MYH8: variants seen among roughly 807,000 people sequenced by gnomAD.
MYH8 encodes myosin heavy chain 8.
MYH8 carries 168 observed loss-of-function variants against 233.2 expected under a neutral mutation model. That is an observed-to-expected ratio of 0.72 (90% CI 0.64 to 0.82). The LOEUF (loss-of-function observed/expected upper bound fraction) is 0.82. MYH8 is among the 40% of genes least tolerant of loss of function. The probability of loss-of-function intolerance (pLI) is 0.00; values close to 1 mark genes in which losing one functional copy is unlikely to be tolerated. For synonymous variants in MYH8, 785 were observed against 850.6 expected (o/e 0.92, Z 1.34); for missense variants, 1,995 against 2,327.8 (o/e 0.86, Z 2.94).
At chr17:10,390,982 C>T (rs894773180) in intron 39 of MYH8, among the ~76,000 whole-genome samples, 3 of 152,224 alleles carry the variant, frequency 2.0e-5, no homozygotes, top group Non-Finnish European at 2.9e-5. Context: ...AAAGATGGGA[C>T]TAGACAGAAA....
At position 10,414,256 on chromosome 17, in the gene MYH8, A is replaced by G; in HGVS notation, c.944T>C (p.Phe315Ser). 1.2e-6 allele frequency: 2 copies of G among 1,614,202 alleles called. No individual in the cohort carries two copies. The highest frequency in any genetic ancestry group is 1.7e-6 in the Non-Finnish European group (2 of 1,180,024). Reference protein sequence around the residue: ...LITTNPYDYAFVSQGEITVPS... With the variant: ...LITTNPYDYASVSQGEITVPS... Reference sequence around the variant, plus strand: ...AACTGTGATCTCCCCCTGACTGACGAAGGCATAGTCATATGGGTTGGTGGT... The same window carrying G: ...AACTGTGATCTCCCCCTGACTGACGGAGGCATAGTCATATGGGTTGGTGGT... Residue 315 changes from phenylalanine (F) to serine (S), a missense_variant, in exon 11 of 40, where the codon TTC becomes TCC. Physicochemically the swap from Phe to Ser is radical, Grantham distance 155. This residue lies in a region of MYH8 where 479 missense variants were observed against 600.9 expected (regional missense o/e 0.80). Coordinates refer to ENST00000403437, the MANE Select transcript of MYH8 (RefSeq NM_002472.3).
Position 10,419,978 on chromosome 17 carries a change from G to A in MYH8, c.210+40C>T. ...AGTTAGGCTTCAACTTTTGAACCAA[G>A]AAATAAAATGGGGAGTATTTTCTCC... is the stretch of plus-strand genomic sequence containing the variant. On this transcript the variant is annotated intron_variant, in intron 3 of 39. Coordinates refer to ENST00000403437, the MANE Select transcript of MYH8 (RefSeq NM_002472.3). The surrounding 1 kb of genome is among the most constrained non-coding windows in gnomAD (Gnocchi z 4.0). The A allele has an allele frequency of 6.2e-7, 1 of 1,600,308 alleles. No homozygotes were observed. The highest frequency in any genetic ancestry group is 8.6e-7 in the Non-Finnish European group (1 of 1,167,888).
At chr17:10,398,946 A>C in intron 28 of MYH8, 60 bp from the exon 29 acceptor site, 2 of 1,016,168 alleles carry the variant, frequency 2.0e-6, no homozygotes, top group Non-Finnish European at 1.5e-6. Context: ...TAAACCTTTT[A>C]CATTTATATA....
chr17:10,421,439 C>A (rs937804688), intron 2 of MYH8, among the ~76,000 whole-genome samples: 2 of 152,170 alleles, frequency 1.3e-5, no homozygotes, highest in Non-Finnish European at 2.9e-5. Context: ...GAAGCTAATT[C>A]TGTCCTAAAC....
chr17:10,415,571 A>G lies in MYH8; in HGVS notation c.549T>C (p.Ser183=). 6.2e-7 allele frequency: 1 copy of G among 1,614,224 alleles called. No individual in the cohort carries two copies. Among genetic ancestry groups the G allele is most frequent in the Non-Finnish European group, 8.5e-7 (1 of 1,180,028 alleles). ...ENQSILITGE[S]GAGKTVNTKR... ...TGGTGTTCACAGTCTTTCCGGCACCAGATTCTCCGCTGTCAAACAGAAATC... is the reference window on the plus strand; with the variant it reads ...TGGTGTTCACAGTCTTTCCGGCACCGGATTCTCCGCTGTCAAACAGAAATC... The change falls in exon 7 of 40, where the codon TCT becomes TCC. Residue 183 remains serine (S), a synonymous_variant. Coordinates refer to ENST00000403437, the MANE Select transcript of MYH8 (RefSeq NM_002472.3). The surrounding 1 kb of genome is among the most constrained non-coding windows in gnomAD (Gnocchi z 4.1).
chr17:10,414,067 G>T (rs746308041), intron 11 of MYH8, 27 bp from the exon 12 acceptor site: 1 of 1,614,050 alleles, frequency 6.2e-7, no homozygotes, highest in South Asian at 1.1e-5. Context: ...GAGGACAAAA[G>T]TTAGGGCTGA....
In MYH8 at chr17:10,394,242, G is replaced by T; in HGVS notation, c.5166+7C>A. On this transcript the variant is annotated splice_region_variant and intron_variant, in intron 35 of 39. Coordinates refer to ENST00000403437, the MANE Select transcript of MYH8 (RefSeq NM_002472.3). ...ACACCAGCATTTGTTTGATGTGAGG[G>T]TCTCACCTGGGTGTGGAGGAGCTGG... The T allele has an allele frequency of 6.2e-7, 1 of 1,613,806 alleles. No homozygotes were observed. The highest frequency in any genetic ancestry group is 8.5e-7 in the Non-Finnish European group (1 of 1,179,852).
In MYH8 at chr17:10,404,528, C is replaced by A. The variant is rs1440295473; in HGVS notation, c.2490G>T (p.Trp830Cys). Reference sequence around the variant, plus strand: ...TCTTGAAAAAGAGTTTCATCCAGGGCCAGTGCTTGACGTTCATGAAGGCAC... The same window carrying A: ...TCTTGAAAAAGAGTTTCATCCAGGGACAGTGCTTGACGTTCATGAAGGCAC... ...NVRAFMNVKH[W>C]PWMKLFFKIK... The change falls in exon 22 of 40, where the codon TGG becomes TGT. Residue 830 changes from tryptophan (W) to cysteine (C), a missense_variant. Around this residue, in one of 3 missense-constraint regions of MYH8, gnomAD observed 1,498 missense variants for 1,680.9 expected, o/e 0.89. Transcript: ENST00000403437. The A allele has an allele frequency of 6.2e-7, 1 of 1,613,962 alleles. No individual in the cohort carries two copies. Among genetic ancestry groups the A allele is most frequent in the South Asian group, 1.1e-5 (1 of 91,064 alleles).
Position 10,398,836 on chromosome 17 carries a change from A to T in MYH8, c.3913T>A (p.Ser1305Thr). Residue 1305 changes from serine to threonine, a missense_variant, in exon 29 of 40, where the codon TCA becomes ACA. Ser to Thr is a moderately conservative substitution (Grantham distance 58). Transcript: ENST00000403437. Reference protein sequence around the residue: ...DEKDALVSQLSRSKQASTQQI... With the variant: ...DEKDALVSQLTRSKQASTQQI... Reference sequence around the variant, plus strand: ...TGAGTAGATGCTTGCTTGCTCCTTGAAAGCTGAGAGACTAAAGCATCTTTC... The same window carrying T: ...TGAGTAGATGCTTGCTTGCTCCTTGTAAGCTGAGAGACTAAAGCATCTTTC... 1 of 1,613,896 alleles carries T rather than the reference A, an allele frequency of 6.2e-7. No individual in the cohort carries two copies. The highest frequency in any genetic ancestry group is 8.5e-7 in the Non-Finnish European group (1 of 1,180,008).
At chr17:10,405,993 A>G (rs1360312959) in intron 21 of MYH8, 48 bp downstream of exon 21, 2 of 1,603,358 alleles carry the variant, frequency 1.2e-6, no homozygotes, top group Admixed American at 1.7e-5. Flanking sequence ...AGACTGATTG[A>G]TAGTCCTTAA....
In MYH8 at chr17:10,420,119, T is replaced by C. The variant is rs371554777; in HGVS notation, c.109A>G (p.Lys37Glu). 48 of 1,614,256 alleles carry C rather than the reference T, an allele frequency of 3.0e-5. No individual in the cohort carries two copies. The highest frequency in any genetic ancestry group is 3.9e-5 in the Non-Finnish European group (46 of 1,180,044). Residue 37 changes from lysine to glutamate, a missense_variant, in exon 3 of 40, where the codon AAA (lysine) becomes GAA (glutamate). Lys to Glu is a moderately conservative substitution (Grantham distance 56). Transcript: ENST00000403437. ...IEAQNKPFDA[K>E]TSVFVAEPKE... ...GGCTCCGCCACAAAGACAGATGTTT[T>C]AGCATCAAACGGCTTGTTTTGGGCC...
chr17:10,410,689 T>C, intron 15 of MYH8, 88 bp downstream of exon 15: 1 of 1,599,946 alleles, frequency 6.3e-7, no homozygotes, highest in Non-Finnish European at 8.6e-7. Context: ...CACAAACCAT[T>C]TGAGATTACA....
In MYH8 at chr17:10,412,389, G is replaced by A. The variant is rs554419599; in HGVS notation, c.1397C>T (p.Ala466Val). The A allele has an allele frequency of 1.2e-6, 2 of 1,614,176 alleles. No homozygotes were observed. Among genetic ancestry groups the A allele is most frequent in the African/African-American group, 1.3e-5 (1 of 75,052 alleles). ...ACTCACATCAAAGATTTCAAAGCCA[G>A]CAATGTCCAAGACCCCGATGAAGTA... Reference protein sequence around the residue: ...RQYFIGVLDIAGFEIFDFNSL... With the variant: ...RQYFIGVLDIVGFEIFDFNSL... Residue 466 changes from alanine to valine, a missense_variant, in exon 14 of 40, where the codon GCT becomes GTT. Coordinates refer to ENST00000403437, the MANE Select transcript of MYH8 (RefSeq NM_002472.3).
At chr17:10,408,348 C>T (rs1567686896) in intron 17 of MYH8, among the ~76,000 whole-genome samples, 1 of 151,864 alleles carries the variant, frequency 6.6e-6, no homozygotes, top group Non-Finnish European at 1.5e-5. Flanking sequence ...GTTGATAAAA[C>T]AAAAGTCTAT....
Position 10,418,956 on chromosome 17 carries a change from C to T in MYH8, c.285G>A (p.Met95Ile). 6.2e-7 allele frequency: 1 copy of T among 1,613,786 alleles called. No homozygotes were observed. The highest frequency in any genetic ancestry group is 1.1e-5 in the South Asian group (1 of 91,048). Residue 95 changes from methionine to isoleucine, a missense_variant, in exon 4 of 40, where the codon ATG (methionine) becomes ATA (isoleucine). By Grantham distance (10) the Met-to-Ile change is conservative. Transcript: ENST00000403437. ...CTCCAGGCTCGTGTAGATGAGTCAT[C>T]ATGGCCATGTCCTCAATTTTGTCAT... ...PKYDKIEDMAMMTHLHEPGVL... is the reference protein window; with the variant it reads ...PKYDKIEDMAIMTHLHEPGVL...
rs1567689718 is a variant in MYH8, at chr17:10,415,596, CAG to C, written c.540-18_540-17del. On this transcript the variant is annotated splice_polypyrimidine_tract_variant and intron_variant, in intron 6 of 39. Coordinates refer to ENST00000403437, the MANE Select transcript of MYH8 (RefSeq NM_002472.3). The surrounding 1 kb of genome is among the most constrained non-coding windows in gnomAD (Gnocchi z 4.1). Reference sequence around the variant, plus strand: ...AGATTCTCCGCTGTCAAACAGAAATCAGAGAAGAGATCAGAGAACTATGGCCT... The same window carrying C: ...AGATTCTCCGCTGTCAAACAGAAATCAGAAGAGATCAGAGAACTATGGCCT... 6.2e-7 allele frequency: 1 copy of C among 1,613,974 alleles called. No individual in the cohort carries two copies. Among genetic ancestry groups the C allele is most frequent in the Admixed American group, 1.7e-5 (1 of 60,000 alleles).
rs2072319348 is a variant in MYH8, at chr17:10,419,666, T to C, written c.210+352A>G. Among the ~76,000 whole-genome samples the C allele has an allele frequency of 6.6e-6, 1 of 152,144 alleles. No individual in the cohort carries two copies. The highest frequency in any genetic ancestry group is 2.4e-5 in the African/African-American group (1 of 41,414). On this transcript the variant is annotated intron_variant, in intron 3 of 39. Transcript: ENST00000403437. This position sits in a 1 kb window ranked among gnomAD's most constrained non-coding sequence, Gnocchi z 4.0. ...CTTTCATTCATTAAGAAACTTCATG[T>C]TTTTGGAAGTAATGGGGATATTAAT...
rs768940714 is a variant in MYH8, at chr17:10,415,555, C to A, written c.565G>T (p.Val189Leu). ...TATTGGATGACACGCTTGGTGTTCA[C>A]AGTCTTTCCGGCACCAGATTCTCCG... ...ITGESGAGKT[V>L]NTKRVIQYFA... Residue 189 changes from valine (V) to leucine (L), a missense_variant, in exon 7 of 40, where the codon GTG (valine) becomes TTG (leucine). Val to Leu is a conservative substitution (Grantham distance 32). Coordinates refer to ENST00000403437, the MANE Select transcript of MYH8 (RefSeq NM_002472.3). The surrounding 1 kb of genome is among the most constrained non-coding windows in gnomAD (Gnocchi z 4.1). 5.0e-6 allele frequency: 8 copies of A among 1,614,080 alleles called. No individual in the cohort carries two copies. The highest frequency in any genetic ancestry group is 6.8e-6 in the Non-Finnish European group (8 of 1,180,034).
At chr17:10,420,290 A>G (rs905833383) in intron 2 of MYH8, 33 bp from the exon 3 acceptor site, 43 of 1,563,226 alleles carry the variant, frequency 2.8e-5, no homozygotes, top group Non-Finnish European at 3.5e-5. Context: ...AGAGAGATAT[A>G]AAAAGCAGAA....
Sources: gnomAD v4.1 joint callset for allele counts (sites outside exome capture counted in the v4.1 genomes callset) on GRCh38, gnomAD v4.1.1 for gene constraint, gnomAD v4.1.1 regional missense constraint, Gnocchi (gnomAD v3.1) non-coding constraint, MANE v1.5 for transcripts, NCBI Gene and HGNC (gene_info 2026-07-23, HGNC 2026-07-21) for gene names.